SCAPER: variants seen among roughly 807,000 people sequenced by gnomAD.
The protein encoded by SCAPER is S phase cyclin A-associated protein in the endoplasmic reticulum.
A neutral mutation model predicts 182.2 loss-of-function variants in SCAPER; 98 were observed. That is an observed-to-expected ratio of 0.54 (90% CI 0.46 to 0.64). The LOEUF is 0.64. Among genes scored for constraint, SCAPER ranks in the 30% least tolerant of loss-of-function variants. SCAPER has a pLI of 0.00. For synonymous variants in SCAPER, 605 were observed against 564.6 expected (o/e 1.07, Z -1.01); for missense variants, 1,432 against 1,690.0 (o/e 0.85, Z 2.68).
rs1162362881 is a variant in SCAPER, at chr15:76,596,917, C to G, written c.2712-22633G>C. The stretch of plus-strand genomic sequence containing the variant: ...ACCGGCAAAGACAAGGATGCCCTCT[C>G]TCACCACTCCTATTCAACATAGTAT... On this transcript the variant is annotated intron_variant, in intron 22 of 31. Coordinates refer to ENST00000563290, the MANE Select transcript of SCAPER (RefSeq NM_020843.4). Among the ~76,000 whole-genome samples, 10 of 121,832 alleles carry G rather than the reference C, an allele frequency of 8.2e-5. 2 individuals carry two copies. Among genetic ancestry groups the G allele is most frequent in the Non-Finnish European group, 2.0e-4 (10 of 50,158 alleles). 79.9% of individuals were successfully genotyped at this position (121,832 alleles called of 152,430 possible). A position where few individuals can be genotyped will look rare whatever the true frequency, so the allele number is the denominator to read the frequency against.
intron 22 of SCAPER, among the ~76,000 whole-genome samples, chr15:76,583,620 AG>A (rs1362486982): frequency 6.6e-6 from 1 of 152,246 alleles, no homozygotes; most frequent in Non-Finnish European, 1.5e-5. Context: ...AGATCTGAAT[AG>A]ACATTTCTCA....
At chr15:76,771,475 G>A (rs946409266) in intron 10 of SCAPER, among the ~76,000 whole-genome samples, 2 of 151,964 alleles carry the variant, frequency 1.3e-5, no homozygotes, top group East Asian at 1.9e-4. Context: ...TCTTAATTCT[G>A]GGCTAAGAGC....
chr15:76,398,936 C>T (rs1384810598), intron 27 of SCAPER, among the ~76,000 whole-genome samples: 1 of 152,096 alleles, frequency 6.6e-6, no homozygotes, highest in Non-Finnish European at 1.5e-5. Context: ...AGTTAACAGC[C>T]CATGTTGGTT....
At chr15:76,635,580 GAAA>G in intron 21 of SCAPER, among the ~76,000 whole-genome samples, 1 of 152,184 alleles carries the variant, frequency 6.6e-6, no homozygotes. Flanking sequence ...TGTGCCACTA[GAAA>G]TTCTATTACA....
At chr15:76,893,576 A>T (rs2074272848) in intron 1 of SCAPER, among the ~76,000 whole-genome samples, 1 of 152,232 alleles carries the variant, frequency 6.6e-6, no homozygotes, top group East Asian at 1.9e-4. Context: ...AATGGACCTA[A>T]CAGACATATG....
intron 7 of SCAPER, among the ~76,000 whole-genome samples, chr15:76,796,450 G>T (rs998029157): frequency 6.6e-6 from 1 of 152,034 alleles, no homozygotes; most frequent in Non-Finnish European, 1.5e-5. Context: ...TTAAAATAAT[G>T]AAAACAATTC....
At chr15:76,659,188 T>G (rs2055913113) in intron 21 of SCAPER, among the ~76,000 whole-genome samples, 1 of 152,166 alleles carries the variant, frequency 6.6e-6, no homozygotes. Context: ...GACAAAGGTT[T>G]AATATTCAGA....
intron 23 of SCAPER, among the ~76,000 whole-genome samples, chr15:76,567,633 T>C (rs59088060): frequency 0.38 from 58,051 of 152,000 alleles, 13,067 homozygotes; most frequent in Middle Eastern, 0.51. Flanking sequence ...ATTAAAGAGG[T>C]TGACTATCTT....
chr15:76,654,409 A>G (rs1263866942), intron 21 of SCAPER, among the ~76,000 whole-genome samples: 1 of 152,204 alleles, frequency 6.6e-6, no homozygotes, highest in African/African-American at 2.4e-5. Context: ...CTCCGTCTCA[A>G]AACAAAACCA....
intron 2 of SCAPER, among the ~76,000 whole-genome samples, chr15:76,878,319 A>G (rs965546720): frequency 6.6e-6 from 1 of 152,210 alleles, no homozygotes; most frequent in Non-Finnish European, 1.5e-5. Context: ...GCAAAAGGAT[A>G]TATGAGAATT....
intron 23 of SCAPER, among the ~76,000 whole-genome samples, chr15:76,559,014 T>C (rs1400134282): frequency 5.3e-5 from 8 of 151,842 alleles, no homozygotes; most frequent in East Asian, 1.9e-4. Flanking sequence ...GTTCTTGTGA[T>C]AGTGAGTGAG....
chr15:76,422,547 C>T (rs1596534531), intron 26 of SCAPER, among the ~76,000 whole-genome samples: 2 of 152,166 alleles, frequency 1.3e-5, no homozygotes, highest in Non-Finnish European at 2.9e-5. Context: ...TCTAAATATA[C>T]AATCATGTCA....
chr15:76,757,170 G>A (rs913588333), intron 14 of SCAPER, among the ~76,000 whole-genome samples: 5 of 152,096 alleles, frequency 3.3e-5, no homozygotes, highest in African/African-American at 9.7e-5. Flanking sequence ...TATGTTTTCA[G>A]GTATTTTGTT....
chr15:76,407,916 T>A (rs1156965186), intron 26 of SCAPER, among the ~76,000 whole-genome samples: 2 of 152,084 alleles, frequency 1.3e-5, no homozygotes, highest in Non-Finnish European at 2.9e-5. Flanking sequence ...TTTAAGCAAA[T>A]CCAAGGCATA....
chr15:76,368,183 C>T (rs935693126), intron 29 of SCAPER, among the ~76,000 whole-genome samples: 15 of 152,210 alleles, frequency 9.9e-5, no homozygotes, highest in Admixed American at 1.3e-4. Context: ...CCTCCATTCA[C>T]GAACTGGGAT....
At chr15:76,503,144 T>A (rs2143780671) in intron 24 of SCAPER, among the ~76,000 whole-genome samples, 1 of 152,326 alleles carries the variant, frequency 6.6e-6, no homozygotes, top group Non-Finnish European at 1.5e-5. Flanking sequence ...TTAACAGTTA[T>A]CAAAGCACTC....
At chr15:76,614,474 G>A (rs1276453570) in intron 22 of SCAPER, among the ~76,000 whole-genome samples, 1 of 152,180 alleles carries the variant, frequency 6.6e-6, no homozygotes, top group Non-Finnish European at 1.5e-5. Flanking sequence ...CATACAATGT[G>A]TATTCTCTGA....
At chr15:76,417,240 A>C (rs2045716289) in intron 26 of SCAPER, among the ~76,000 whole-genome samples, 1 of 152,140 alleles carries the variant, frequency 6.6e-6, no homozygotes, top group Non-Finnish European at 1.5e-5. Context: ...AAAAACAAGA[A>C]ACTGTACTCT....
chr15:76,815,421 A>G (rs1568227824), intron 5 of SCAPER, among the ~76,000 whole-genome samples: 1 of 152,220 alleles, frequency 6.6e-6, no homozygotes, highest in African/African-American at 2.4e-5. Context: ...ACACACATAC[A>G]TACAGTCAAG....
Sources: allele counts gnomAD v4.1 joint callset (sites outside exome capture counted in the v4.1 genomes callset), GRCh38; gene constraint gnomAD v4.1.1; transcripts MANE v1.5; gene names NCBI Gene and HGNC (gene_info 2026-07-23, HGNC 2026-07-21).